Variants in STAT2 observed in about 807,000 individuals in gnomAD.
The protein encoded by STAT2 is interferon alpha induced transcriptional activator.
STAT2 carries 51 observed loss-of-function variants against 122.3 expected under a neutral mutation model. The ratio of observed to expected loss-of-function variants is 0.42; its 90% CI spans 0.33 to 0.53. STAT2 has a LOEUF of 0.53. Among genes scored for constraint, STAT2 ranks in the 20% least tolerant of loss-of-function variants. The probability of loss-of-function intolerance (pLI) is 0.10; values close to 1 mark genes in which losing one functional copy is unlikely to be tolerated. For synonymous variants in STAT2, 351 were observed against 394.9 expected (o/e 0.89, Z 1.32); for missense variants, 736 against 1,010.3 (o/e 0.73, Z 3.68).
intron 19 of STAT2, among the ~76,000 whole-genome samples, chr12:56,347,693 G>A (rs2136047315): frequency 6.6e-6 from 1 of 152,070 alleles, no homozygotes; most frequent in African/African-American, 2.4e-5. Context: ...ATAGAGATGG[G>A]GTTTCGCCAT....
At chr12:56,348,883 A>G (rs1877973364) in intron 17 of STAT2, 41 bp downstream of exon 17, 1 of 1,613,580 alleles carries the variant, frequency 6.2e-7, no homozygotes, top group African/African-American at 1.3e-5. Flanking sequence ...GACAGAAAAG[A>G]CTAAGGCTGG....
At chr12:56,347,070 A>G in intron 19 of STAT2, 115 bp from the exon 20 acceptor site, 1 of 1,468,634 alleles carries the variant, frequency 6.8e-7, no homozygotes, top group Non-Finnish European at 9.1e-7. Context: ...CAGGCTTTGG[A>G]CCAAGCCCTG....
chr12:56,349,132 G>A (rs1469518609), intron 16 of STAT2, 31 bp downstream of exon 16: 6 of 1,613,988 alleles, frequency 3.7e-6, no homozygotes, highest in African/African-American at 1.3e-5. Context: ...CCCTCCTCTC[G>A]CGCCTTGACC....
Position 56,345,514 on chromosome 12 carries a change from A to ATATATATATAT in STAT2, c.2102+631_2102+632insATATATATATA, listed in dbSNP as rs1278781589. 2.2e-4 allele frequency among the ~76,000 whole-genome samples: 6 copies of ATATATATATAT among 27,166 alleles called. No homozygotes were observed. In the African/African-American group the frequency reaches 2.9e-3, roughly 13 times the overall value. 17.8% of individuals were successfully genotyped at this position (27,166 alleles called of 152,430 possible). A position where few individuals can be genotyped will look rare whatever the true frequency, so the allele number is the denominator to read the frequency against. On this transcript the variant is annotated intron_variant, in intron 22 of 23. Coordinates refer to ENST00000314128, the MANE Select transcript of STAT2 (RefSeq NM_005419.4). The stretch of plus-strand genomic sequence containing the variant: ...CTGTCTCAAAAAAAAAAAAAAAAAA[A>ATATATATATAT]AAAAAAAAAAATATATATATATGCG...
chr12:56,350,542 G>T, intron 11 of STAT2, 110 bp from the exon 12 acceptor site: 2 of 992,462 alleles, frequency 2.0e-6, no homozygotes, highest in Non-Finnish European at 3.0e-6. Context: ...GAGCTCACTA[G>T]CTATGTGGCC....
Position 56,355,408 on chromosome 12 carries a change from C to T in STAT2, c.471+35G>A, listed in dbSNP as rs775634480. On this transcript the variant is annotated intron_variant, in intron 5 of 23. Coordinates refer to ENST00000314128, the MANE Select transcript of STAT2 (RefSeq NM_005419.4). ...CTTCTCAGGGAGGTGTTAGGCTGAA[C>T]GCTGTCAACCCTAACTCCTACCACA... is the stretch of plus-strand genomic sequence containing the variant. The T allele has an allele frequency of 1.4e-5, 23 of 1,613,962 alleles. 1 individual carries two copies. Among genetic ancestry groups the T allele is most frequent in the South Asian group, 4.4e-5 (4 of 91,094 alleles).
chr12:56,355,181 T>C, intron 6 of STAT2, 95 bp downstream of exon 6: 1 of 1,426,342 alleles, frequency 7.0e-7, no homozygotes, highest in South Asian at 1.2e-5. Flanking sequence ...TGTCTGACAG[T>C]GACTACTGCT....
rs375433807 is a variant in STAT2, at chr12:56,356,199, C to A, written c.218G>T (p.Arg73Leu). Reference sequence around the variant, plus strand: ...CAAGGACTCTGGGTCCTGGCTGCAACGGCCACACTCATAGTTCAGCTGATC... The same window carrying A: ...CAAGGACTCTGGGTCCTGGCTGCAAAGGCCACACTCATAGTTCAGCTGATC... ...FLDQLNYECG[R>L]CSQDPESLLL... Residue 73 changes from arginine (R) to leucine (L), a missense_variant, in exon 3 of 24, where the codon CGT becomes CTT. By Grantham distance (102) the Arg-to-Leu change is moderately radical (BLOSUM62 -2). Coordinates refer to ENST00000314128, the MANE Select transcript of STAT2 (RefSeq NM_005419.4). 1 of 1,613,924 alleles carries A rather than the reference C, an allele frequency of 6.2e-7. No individual in the cohort carries two copies. The highest frequency in any genetic ancestry group is 8.5e-7 in the Non-Finnish European group (1 of 1,180,046).
Position 56,346,924 on chromosome 12 carries a change from C to T in STAT2, c.1756G>A (p.Glu586Lys). The stretch of plus-strand genomic sequence containing the variant: ...ATGGTCTTCTTCAGCAGCCGGCGCT[C>T]CTGGCTCCGACTCACAAAGCCCATG... ...RIMGFVSRSQ[E>K]RRLLKKTMSG... The change falls in exon 20 of 24, where the codon GAG becomes AAG. Residue 586 changes from glutamate to lysine, a missense_variant. By Grantham distance (56) the Glu-to-Lys change is moderately conservative. Coordinates refer to ENST00000314128, the MANE Select transcript of STAT2 (RefSeq NM_005419.4). 6.2e-7 allele frequency: 1 copy of T among 1,614,186 alleles called. No individual in the cohort carries two copies. The highest frequency in any genetic ancestry group is 8.5e-7 in the Non-Finnish European group (1 of 1,180,036).
rs1018464203 is a variant in STAT2, at chr12:56,346,932, C to T, written c.1748G>A (p.Arg583Gln). 1.9e-6 allele frequency: 3 copies of T among 1,614,014 alleles called. No individual in the cohort carries two copies. Among genetic ancestry groups the T allele is most frequent in the South Asian group, 1.1e-5 (1 of 91,086 alleles). The change falls in exon 20 of 24, where the codon CGG becomes CAG. Residue 583 changes from arginine to glutamine, a missense_variant. Arg to Gln is a conservative substitution (Grantham distance 43, BLOSUM62 1). Transcript: ENST00000314128. ...CTTCAGCAGCCGGCGCTCCTGGCTC[C>T]GACTCACAAAGCCCATGATGCGTCT... ...NDGRIMGFVS[R>Q]SQERRLLKKT...
chr12:56,356,456 A>G lies in STAT2; in HGVS notation c.116T>C (p.Ile39Thr), dbSNP rs757152982. ...AAGGCCTCACCAGTTCTGGTCTTCA[A>G]TCCAGACAGCCAAGTACTGTCGAAT... Reference protein sequence around the residue: ...VDIRQYLAVWIEDQNWQEAAL... With the variant: ...VDIRQYLAVWTEDQNWQEAAL... Residue 39 changes from isoleucine (I) to threonine (T), a missense_variant, in exon 2 of 24, where the codon ATT (isoleucine) becomes ACT (threonine). Coordinates refer to ENST00000314128, the MANE Select transcript of STAT2 (RefSeq NM_005419.4). 7 of 1,613,982 alleles carry G rather than the reference A, an allele frequency of 4.3e-6. No individual in the cohort carries two copies. The highest frequency in any genetic ancestry group is 2.2e-5 in the East Asian group (1 of 44,896).
intron 1 of STAT2, 81 bp downstream of exon 1, chr12:56,359,977 T>C: frequency 1.1e-6 from 1 of 933,254 alleles, no homozygotes; most frequent in Non-Finnish European, 1.3e-6. Flanking sequence ...GGGTAACCCC[T>C]GGGGCCAGTC....
intron 1 of STAT2, among the ~76,000 whole-genome samples, chr12:56,359,284 A>T (rs754194533): frequency 1.2e-4 from 19 of 152,118 alleles, no homozygotes; most frequent in Admixed American, 3.9e-4. Flanking sequence ...AGTTAAAAAA[A>T]TGATCAGGTG....
intron 19 of STAT2, among the ~76,000 whole-genome samples, chr12:56,348,109 G>C (rs1877805663): frequency 8.5e-6 from 1 of 117,280 alleles, no homozygotes; most frequent in Non-Finnish European, 1.9e-5. Flanking sequence ...TTTTTTTTGA[G>C]ACGGAGTCTT....
rs959635313 is a variant in STAT2, at chr12:56,360,077, C to T, written c.-27G>A. The T allele has an allele frequency of 4.1e-6, 4 of 985,294 alleles. No homozygotes were observed. The highest frequency in any genetic ancestry group is 6.2e-5 in the Admixed American group (1 of 16,258). The allele number at this position is 985,294 out of a possible 1,614,324, so 61.0% of individuals were successfully genotyped here. On this transcript the variant is annotated 5_prime_UTR_variant, in exon 1 of 24. Transcript: ENST00000314128. Reference sequence around the variant, plus strand: ...CCGTACCTGATTAGGGTTGCAGTCCCCGCGCCCTCCAATGGCTCTGGTCGC... The same window carrying T: ...CCGTACCTGATTAGGGTTGCAGTCCTCGCGCCCTCCAATGGCTCTGGTCGC...
chr12:56,347,042 CA>C, intron 19 of STAT2, 87 bp from the exon 20 acceptor site: 1 of 1,553,532 alleles, frequency 6.4e-7, no homozygotes. Flanking sequence ...TATGGAGAAA[CA>C]GCCCAGGTTT....
chr12:56,349,043 GAGA>G lies in STAT2; in HGVS notation c.1454_1456del (p.Phe485del). ...GCTCCAGGGGGCCTTGGGGGGGTTG[GAGA>G]AGAACTGCTGGTTCTGCAGGGGTGG... On this transcript the variant is annotated inframe_deletion, in exon 17 of 24. Coordinates refer to ENST00000314128, the MANE Select transcript of STAT2 (RefSeq NM_005419.4). 1.2e-6 allele frequency: 2 copies of G among 1,613,476 alleles called. No homozygotes were observed. Among genetic ancestry groups the G allele is most frequent in the African/African-American group, 1.3e-5 (1 of 75,024 alleles).
At position 56,355,796 on chromosome 12, in the gene STAT2, G is replaced by A. The variant is rs1294214696; in HGVS notation, c.293C>T (p.Ser98Phe). 4 of 1,614,034 alleles carry A rather than the reference G, an allele frequency of 2.5e-6. No homozygotes were observed. The highest frequency in any genetic ancestry group is 3.4e-6 in the Non-Finnish European group (4 of 1,179,938). ...RKFCRDIQPFSQDPTQLAEMI... is the reference protein window; with the variant it reads ...RKFCRDIQPFFQDPTQLAEMI... Reference sequence around the variant, plus strand: ...CTCAGCCAACTGGGTAGGATCCTGGGAAAAGGGCTAGAATAGGTAAACAGA... The same window carrying A: ...CTCAGCCAACTGGGTAGGATCCTGGAAAAAGGGCTAGAATAGGTAAACAGA... The change falls in exon 4 of 24, where the codon TCC (serine) becomes TTC (phenylalanine). Residue 98 changes from serine (S) to phenylalanine (F), a missense_variant. Transcript: ENST00000314128.
chr12:56,346,480 G>C lies in STAT2; in HGVS notation c.2006C>G (p.Pro669Arg). Residue 669 changes from proline to arginine, a missense_variant, in exon 21 of 24, where the codon CCC becomes CGC. Transcript: ENST00000314128. ...NPLRFLYPRI[P>R]RDEAFGCYYQ... The stretch of plus-strand genomic sequence containing the variant: ...GTAGCACCCAAAAGCTTCATCCCGG[G>C]GGATTCGGGGATAGAGGAAGCGCAG... 1 of 1,614,198 alleles carries C rather than the reference G, an allele frequency of 6.2e-7. No individual in the cohort carries two copies. The highest frequency in any genetic ancestry group is 8.5e-7 in the Non-Finnish European group (1 of 1,180,038).
Sources: gnomAD v4.1 joint callset for allele counts (sites outside exome capture counted in the v4.1 genomes callset) on GRCh38, gnomAD v4.1.1 for gene constraint, MANE v1.5 for transcripts, NCBI Gene and HGNC (gene_info 2026-07-23, HGNC 2026-07-21) for gene names.